The following LINGO1 variants were observed in gnomAD, a reference collection of about 807,000 sequenced individuals.
The protein encoded by LINGO1 is leucine-rich repeat and immunoglobulin-like domain-containing nogo receptor-interacting protein 1.
Under a neutral mutation model 37.3 loss-of-function variants are expected in LINGO1, and 11 were observed. The ratio of observed to expected loss-of-function variants is 0.29; its 90% CI spans 0.19 to 0.49. The LOEUF (loss-of-function observed/expected upper bound fraction) is 0.49. Among genes scored for constraint, LINGO1 ranks in the 20% least tolerant of loss-of-function variants. The probability of loss-of-function intolerance (pLI) is 0.99; values close to 1 mark genes in which losing one functional copy is unlikely to be tolerated. For synonymous variants in LINGO1, 387 were observed against 403.0 expected (o/e 0.96, Z 0.48); for missense variants, 585 against 878.2 (o/e 0.67, Z 4.22).
At chr15:77,688,535 G>A (rs1014947911) in intron 2 of LINGO1, among the ~76,000 whole-genome samples, 4 of 152,140 alleles carry the variant, frequency 2.6e-5, no homozygotes, top group East Asian at 3.9e-4. Flanking sequence ...GGGCCACCGC[G>A]GCAGGCTTCA....
At chr15:77,798,614 C>T (rs955904148) in intron 1 of LINGO1, among the ~76,000 whole-genome samples, 7 of 152,218 alleles carry the variant, frequency 4.6e-5, no homozygotes, top group Non-Finnish European at 7.3e-5. Context: ...GGGAGCCGGG[C>T]ACTCTCCTGG....
chr15:77,748,637 G>T (rs2076338585), intron 1 of LINGO1, among the ~76,000 whole-genome samples: 1 of 152,220 alleles, frequency 6.6e-6, no homozygotes, highest in African/African-American at 2.4e-5. Context: ...CCACAACTCT[G>T]CTCCAGGAAG....
chr15:77,659,232 G>C (rs2074934219), intron 3 of LINGO1, among the ~76,000 whole-genome samples: 1 of 152,076 alleles, frequency 6.6e-6, no homozygotes, highest in Non-Finnish European at 1.5e-5. Context: ...CTCTGTACAG[G>C]ACCCTTTCCT....
At chr15:77,679,048 G>A (rs1267971289) in intron 2 of LINGO1, among the ~76,000 whole-genome samples, 2 of 152,088 alleles carry the variant, frequency 1.3e-5, no homozygotes, top group East Asian at 1.9e-4. Context: ...TTACAGATGC[G>A]CACCACCACA....
Position 77,632,411 on chromosome 15 carries a change from C to A in LINGO1, c.-96G>T. On this transcript the variant is annotated 5_prime_UTR_variant, in exon 1 of 2. Coordinates refer to ENST00000355300, the MANE Select transcript of LINGO1 (RefSeq NM_032808.7). This position sits in a 1 kb window ranked among gnomAD's most constrained non-coding sequence, Gnocchi z 6.0. ...CCAGCCCCTGCCCAGCCCCCTCCTCCGTTTCCTCCTCCTCCGACACCTCCG... is the reference window on the plus strand; with the variant it reads ...CCAGCCCCTGCCCAGCCCCCTCCTCAGTTTCCTCCTCCTCCGACACCTCCG... 1 of 1,233,352 alleles carries A rather than the reference C, an allele frequency of 8.1e-7. No individual in the cohort carries two copies. Among genetic ancestry groups the A allele is most frequent in the Non-Finnish European group, 1.0e-6 (1 of 975,624 alleles). 76.4% of individuals were successfully genotyped at this position (1,233,352 alleles called of 1,614,324 possible).
At chr15:77,689,888 A>G (rs1265955086) in intron 2 of LINGO1, among the ~76,000 whole-genome samples, 2 of 152,194 alleles carry the variant, frequency 1.3e-5, no homozygotes, top group Non-Finnish European at 2.9e-5. Flanking sequence ...CAAGAAGGGG[A>G]AGGGAACAAG....
chr15:77,708,263 C>A (rs1353755263), intron 2 of LINGO1, among the ~76,000 whole-genome samples: 1 of 152,148 alleles, frequency 6.6e-6, no homozygotes, highest in East Asian at 1.9e-4. Context: ...GGAAGGAGGA[C>A]AGACACTTTA....
intron 1 of LINGO1, among the ~76,000 whole-genome samples, chr15:77,752,442 C>T (rs2076381157): frequency 6.6e-6 from 1 of 152,222 alleles, no homozygotes; most frequent in South Asian, 2.1e-4. Context: ...CTGGCAAAAG[C>T]AACACAAATC....
rs530382781 is a variant in LINGO1, at chr15:77,717,701, G to A, written c.-195+17291C>T. Among the ~76,000 whole-genome samples the A allele has an allele frequency of 8.0e-5, 12 of 150,926 alleles. 2 individuals are homozygous for A. The East Asian group carries it at 1.7e-3, about 21-fold the overall frequency. The stretch of plus-strand genomic sequence containing the variant: ...CAGCCTCGGGAGCCTGGGCCAGGGC[G>A]GCCCCCACCAAGCCCAGGCCCGGGC... On this transcript the variant is annotated intron_variant, in intron 2 of 3. Transcript: ENST00000561686.
intron 2 of LINGO1, among the ~76,000 whole-genome samples, chr15:77,685,037 G>A (rs191480507): frequency 1.3e-5 from 2 of 150,986 alleles, no homozygotes. Context: ...GATAGAGTTG[G>A]GGGAGGGAAG....
intron 1 of LINGO1, among the ~76,000 whole-genome samples, chr15:77,631,474 G>A (rs1213283202): frequency 4.6e-5 from 7 of 152,210 alleles, no homozygotes; most frequent in Non-Finnish European, 1.0e-4. Flanking sequence ...CTGCCCACTG[G>A]CCTGGCCCCA....
chr15:77,713,210 T>TTTTGTG (rs1241253175), intron 2 of LINGO1, among the ~76,000 whole-genome samples: 66 of 123,808 alleles, frequency 5.3e-4, no homozygotes, highest in Middle Eastern at 4.0e-3. Flanking sequence ...GCCCAGCTAA[T>TTTTGTG]TGTGTGTGTG....
intron 1 of LINGO1, among the ~76,000 whole-genome samples, chr15:77,629,443 T>C (rs991647444): frequency 3.9e-5 from 6 of 152,168 alleles, no homozygotes; most frequent in African/African-American, 1.4e-4. Flanking sequence ...GCTCTCTGTG[T>C]CTCTGCAGTC....
chr15:77,740,651 C>T (rs933433605), intron 1 of LINGO1, among the ~76,000 whole-genome samples: 9 of 152,020 alleles, frequency 5.9e-5, no homozygotes, highest in South Asian at 2.1e-4. Context: ...CTCCAATCAG[C>T]GAGGGCTGGA....
At chr15:77,755,327 G>C (rs1235546734) in intron 1 of LINGO1, among the ~76,000 whole-genome samples, 3 of 152,234 alleles carry the variant, frequency 2.0e-5, no homozygotes, top group African/African-American at 4.8e-5. Context: ...GGGTCAACAG[G>C]CTCCAGCCCC....
rs1163597285 is a variant in LINGO1, at chr15:77,778,944, T to A, written c.-257+7925A>T. ...GACCCATCTGCTCCTTGACAACAAT[T>A]CCTCCCCTCTCTTACCACTCACGCC... On this transcript the variant is annotated intron_variant, in intron 1 of 3. Coordinates refer to the LINGO1 transcript ENST00000561686. Among the ~76,000 whole-genome samples, 5 of 151,894 alleles carry A rather than the reference T, an allele frequency of 3.3e-5. No homozygotes were observed. The East Asian group carries it at 9.6e-4, about 29-fold the overall frequency.
intron 3 of LINGO1, chr15:77,668,150 C>CATT (rs1490465475): frequency 2.6e-5 from 4 of 152,320 alleles, no homozygotes; most frequent in Non-Finnish European, 2.9e-5. Flanking sequence ...ACCCATGGTG[C>CATT]AAATGCAGGG....
chr15:77,781,867 C>G (rs1477861941), intron 1 of LINGO1, among the ~76,000 whole-genome samples: 3 of 152,250 alleles, frequency 2.0e-5, no homozygotes, highest in Non-Finnish European at 4.4e-5. Context: ...CCGGCCAGAG[C>G]TGCTGCCTCC....
chr15:77,693,212 T>C (rs12905478), intron 1 of LINGO1, among the ~76,000 whole-genome samples: 12,376 of 152,316 alleles, frequency 0.081, 574 homozygotes, highest in Middle Eastern at 0.13. Context: ...CGGCACTTAC[T>C]ATATACTAGG....
Sources: allele counts gnomAD v4.1 joint callset (sites outside exome capture counted in the v4.1 genomes callset), GRCh38; gene constraint gnomAD v4.1.1; non-coding constraint Gnocchi (gnomAD v3.1); transcripts MANE v1.5; gene names NCBI Gene and HGNC (gene_info 2026-07-23, HGNC 2026-07-21).